The following GAB2 variants were observed in gnomAD, a reference collection of about 807,000 sequenced individuals.
GAB2 encodes the protein GRB2 associated binding protein 2.
In GAB2, 26 loss-of-function variants were observed where a neutral mutation model predicts 65.5. That is an observed-to-expected ratio of 0.40 (90% confidence interval 0.29 to 0.55). GAB2 has a LOEUF of 0.55. GAB2 is among the 20% of genes least tolerant of loss of function. The pLI is 0.53. For synonymous variants in GAB2, 321 were observed against 329.6 expected (o/e 0.97, Z 0.28); for missense variants, 884 against 875.8 (o/e 1.01, Z -0.12).
At chr11:78,250,706 A>AG (rs1383304131) in intron 2 of GAB2, among the ~76,000 whole-genome samples, 1 of 152,168 alleles carries the variant, frequency 6.6e-6, no homozygotes, top group Non-Finnish European at 1.5e-5. Context: ...CCTGACCCTC[A>AG]GGCAAGGTCT....
intron 1 of GAB2, among the ~76,000 whole-genome samples, chr11:78,339,981 G>A (rs908707607): frequency 2.0e-5 from 3 of 152,092 alleles, no homozygotes; most frequent in African/African-American, 7.2e-5. Flanking sequence ...TTTGACTACG[G>A]GTTGTTTTTC....
intron 1 of GAB2, among the ~76,000 whole-genome samples, chr11:78,405,869 C>A (rs1857037423): frequency 6.6e-6 from 1 of 152,136 alleles, no homozygotes; most frequent in Non-Finnish European, 1.5e-5. Flanking sequence ...AAAGTCTGCT[C>A]TCTCTAGCCA....
intron 1 of GAB2, among the ~76,000 whole-genome samples, chr11:78,306,541 T>C (rs1855364148): frequency 6.6e-6 from 1 of 152,204 alleles, no homozygotes; most frequent in South Asian, 2.1e-4. Flanking sequence ...CCCTATATAC[T>C]TTCTTAAGCT....
In GAB2 at chr11:78,323,790, C is replaced by CTTTTTT. The variant is rs749282969; in HGVS notation, c.76-42895_76-42890dup. 1.6e-3 allele frequency among the ~76,000 whole-genome samples: 121 copies of CTTTTTT among 77,256 alleles called. 6 individuals are homozygous for CTTTTTT. The highest frequency in any genetic ancestry group is 0.016 in the Middle Eastern group (1 of 62). 50.7% of individuals were successfully genotyped at this position (77,256 alleles called of 152,430 possible). A position where few individuals can be genotyped will look rare whatever the true frequency, so the allele number is the denominator to read the frequency against. ...CTACACGTGTACCCCCTGAATCTTT[C>CTTTTTT]TTTTTTTTTTTTTTTTTTTTTTTTT... On this transcript the variant is annotated intron_variant, in intron 1 of 9. Transcript: ENST00000361507.
At chr11:78,415,841 C>T (rs1195872233) in intron 1 of GAB2, among the ~76,000 whole-genome samples, 3 of 151,762 alleles carry the variant, frequency 2.0e-5, no homozygotes, top group African/African-American at 4.8e-5. Flanking sequence ...AGCGATAAGT[C>T]AAATGTAGAT....
chr11:78,223,323 T>G (rs1590940400), intron 6 of GAB2, 89 bp downstream of exon 6: 1 of 1,136,188 alleles, frequency 8.8e-7, no homozygotes, highest in African/African-American at 1.6e-5. Flanking sequence ...GTCACACCTC[T>G]CAAGTCCAGG....
intron 1 of GAB2, among the ~76,000 whole-genome samples, chr11:78,385,568 T>C (rs1856755664): frequency 6.6e-6 from 1 of 152,176 alleles, no homozygotes; most frequent in African/African-American, 2.4e-5. Context: ...GTCATGAATG[T>C]GGGAAAATAT....
chr11:78,263,355 C>T (rs1047202100), intron 2 of GAB2, among the ~76,000 whole-genome samples: 40 of 146,564 alleles, frequency 2.7e-4, no homozygotes, highest in Non-Finnish European at 5.2e-4. Context: ...AGAGTCTGGC[C>T]GGGCGCAGTC....
At chr11:78,403,611 T>C (rs1024905669) in intron 1 of GAB2, among the ~76,000 whole-genome samples, 3 of 152,216 alleles carry the variant, frequency 2.0e-5, no homozygotes, top group African/African-American at 7.2e-5. Flanking sequence ...GACTTAAATA[T>C]GAGACCTGAA....
chr11:78,328,129 C>T lies in GAB2; in HGVS notation c.76-47228G>A, dbSNP rs537863125. On this transcript the variant is annotated intron_variant, in intron 1 of 9. Transcript: ENST00000361507. ...CAAGGACCTGACCTTGGACCCTTCC[C>T]TGAGCAAGATTCCGAGAAACGGATA... 2.6e-3 allele frequency among the ~76,000 whole-genome samples: 399 copies of T among 152,234 alleles called. 7 individuals carry two copies. Among genetic ancestry groups the T allele is most frequent in the Middle Eastern group, 0.02 (6 of 294 alleles).
intron 1 of GAB2, among the ~76,000 whole-genome samples, chr11:78,307,239 T>C (rs1272414144): frequency 1.3e-5 from 2 of 152,020 alleles, no homozygotes; most frequent in African/African-American, 4.8e-5. Context: ...GCACCTAGAG[T>C]CCTAGAAGTG....
At chr11:78,278,369 C>A (rs912401130) in intron 2 of GAB2, among the ~76,000 whole-genome samples, 1 of 150,526 alleles carries the variant, frequency 6.6e-6, no homozygotes, top group Non-Finnish European at 1.5e-5. Context: ...CGTGCCCAGT[C>A]TGCTTTTTTT....
At chr11:78,414,374 T>C (rs574035254) in intron 1 of GAB2, among the ~76,000 whole-genome samples, 10 of 152,214 alleles carry the variant, frequency 6.6e-5, no homozygotes, top group Non-Finnish European at 1.3e-4. Context: ...CTTAATGCAG[T>C]AGTTCTTTAC....
chr11:78,276,863 G>A (rs1866186301), intron 2 of GAB2, among the ~76,000 whole-genome samples: 1 of 151,956 alleles, frequency 6.6e-6, no homozygotes, highest in Admixed American at 6.6e-5. Flanking sequence ...TGTCGCCCAG[G>A]CTGCAGTGCA....
At chr11:78,233,961 A>G (rs771741013) in intron 3 of GAB2, among the ~76,000 whole-genome samples, 1 of 152,168 alleles carries the variant, frequency 6.6e-6, no homozygotes, top group African/African-American at 2.4e-5. Flanking sequence ...TAATTTTGAT[A>G]AAGACTACTT....
At chr11:78,411,578 A>C (rs1006141143) in intron 1 of GAB2, among the ~76,000 whole-genome samples, 6 of 152,226 alleles carry the variant, frequency 3.9e-5, no homozygotes, top group African/African-American at 1.4e-4. Context: ...ATTTTTGACA[A>C]AGACGGAAAA....
At chr11:78,224,790 G>A (rs916452506) in intron 5 of GAB2, among the ~76,000 whole-genome samples, 2 of 152,052 alleles carry the variant, frequency 1.3e-5, no homozygotes, top group Admixed American at 6.5e-5. Context: ...GTGAGGCCAC[G>A]TGGGTAAGGT....
rs182665766 is a variant in GAB2, at chr11:78,415,749, A to T, written c.75+1897T>A. The stretch of plus-strand genomic sequence containing the variant: ...AAGGTGCTTGACCCAAATGCCTCCA[A>T]ACCTGGTTATTTTGAACTAAAGTTG... On this transcript the variant is annotated intron_variant, in intron 1 of 9. Coordinates refer to ENST00000361507, the MANE Select transcript of GAB2 (RefSeq NM_080491.3). Among the ~76,000 whole-genome samples, 355 of 152,314 alleles carry T rather than the reference A, an allele frequency of 2.3e-3. 2 individuals are homozygous for T. The highest frequency in any genetic ancestry group is 8.2e-3 in the African/African-American group (341 of 41,564).
chr11:78,365,472 T>C (rs1201338735), intron 1 of GAB2, among the ~76,000 whole-genome samples: 1 of 152,226 alleles, frequency 6.6e-6, no homozygotes, highest in Non-Finnish European at 1.5e-5. Flanking sequence ...ACAAAGCCAC[T>C]GGCATTCCTG....
Sources: gnomAD v4.1 joint callset for allele counts (sites outside exome capture counted in the v4.1 genomes callset) on GRCh38, gnomAD v4.1.1 for gene constraint, MANE v1.5 for transcripts, NCBI Gene and HGNC (gene_info 2026-07-23, HGNC 2026-07-21) for gene names.